The following ALMS1 variants were observed in gnomAD, a reference collection of about 807,000 sequenced individuals.
The protein encoded by ALMS1 is centrosome-associated protein ALMS1.
Under a neutral mutation model 352.2 loss-of-function variants are expected in ALMS1, and 271 were observed. The observed-to-expected ratio is 0.77, with a 90% CI of 0.70 to 0.85. ALMS1 has a LOEUF of 0.85. Among genes scored for constraint, ALMS1 ranks in the 40% least tolerant of loss-of-function variants. ALMS1 has a pLI of 0.00. For missense variants in ALMS1, 5,445 were observed against 4,870.7 expected (o/e 1.12, Z -3.51); for synonymous variants, 1,865 against 1,761.2 (o/e 1.06, Z -1.48).
intron 10 of ALMS1, among the ~76,000 whole-genome samples, chr2:73,508,264 G>A (rs1365700951): frequency 6.3e-5 from 9 of 142,070 alleles, no homozygotes; most frequent in Admixed American, 1.5e-4. Context: ...GTGCAGTGGC[G>A]CGATCTCGGC....
chr2:73,400,283 G>C (rs966489972), intron 1 of ALMS1, among the ~76,000 whole-genome samples: 2 of 152,150 alleles, frequency 1.3e-5, no homozygotes, highest in Non-Finnish European at 2.9e-5. Context: ...GTTTGCGTAC[G>C]TGGGATAAAC....
chr2:73,601,316 G>C lies in ALMS1; in HGVS notation c.11994G>C (p.Arg3998Ser), dbSNP rs28730862. 1.6e-4 allele frequency: 257 copies of C among 1,614,202 alleles called. No individual in the cohort carries two copies. Among genetic ancestry groups the C allele is most frequent in the Non-Finnish European group, 2.1e-4 (248 of 1,180,026 alleles). ...CAATAACCAAGACCAGACCCTGGAG[G>C]GAGCCACTGCGGGAGCAGAACTGTC... ...FEPITKTRPW[R>S]EPLREQNCQG... The change falls in exon 19 of 23, where the codon AGG (arginine) becomes AGC (serine). Residue 3998 changes from arginine (R) to serine (S), a missense_variant. Physicochemically the swap from Arg to Ser is moderately radical, Grantham distance 110 (BLOSUM62 -1). Coordinates refer to ENST00000613296, the MANE Select transcript of ALMS1 (RefSeq NM_001378454.1).
At chr2:73,546,878 C>A (rs548249347) in intron 12 of ALMS1, among the ~76,000 whole-genome samples, 1 of 152,236 alleles carries the variant, frequency 6.6e-6, no homozygotes, top group Non-Finnish European at 1.5e-5. Flanking sequence ...AGGCAACATC[C>A]CATTCTATAA....
In ALMS1 at chr2:73,489,724, A is replaced by G; in HGVS notation, c.7765A>G (p.Thr2589Ala). The G allele has an allele frequency of 6.2e-7, 1 of 1,613,922 alleles. No homozygotes were observed. Among genetic ancestry groups the G allele is most frequent in the East Asian group, 2.2e-5 (1 of 44,866 alleles). Reference sequence around the variant, plus strand: ...GAGCCATGAAAAGGGATGTTTCCGGACTCTAACTTCTGAACATCCACAACT... The same window carrying G: ...GAGCCATGAAAAGGGATGTTTCCGGGCTCTAACTTCTGAACATCCACAACT... ...IESHEKGCFR[T>A]LTSEHPQLDR... Residue 2589 changes from threonine to alanine, a missense_variant, in exon 10 of 23, where the codon ACT becomes GCT. Transcript: ENST00000613296.
At chr2:73,472,658 T>C (rs1475485612) in intron 9 of ALMS1, among the ~76,000 whole-genome samples, 1 of 152,056 alleles carries the variant, frequency 6.6e-6, no homozygotes, top group African/African-American at 2.4e-5. Context: ...CAGAACACTA[T>C]GGCACCTTAA....
chr2:73,514,345 G>A (rs1227008815), intron 10 of ALMS1, among the ~76,000 whole-genome samples: 1 of 151,384 alleles, frequency 6.6e-6, no homozygotes, highest in Non-Finnish European at 1.5e-5. Context: ...GGTTATTCTA[G>A]AGATTATAAT....
intron 16 of ALMS1, among the ~76,000 whole-genome samples, chr2:73,577,307 T>TCATTA (rs1439140823): frequency 1.3e-5 from 2 of 152,212 alleles, no homozygotes; most frequent in Non-Finnish European, 2.9e-5. Context: ...AAATTTTTTT[T>TCATTA]CATTACTGAT....
intron 15 of ALMS1, among the ~76,000 whole-genome samples, 163 bp downstream of exon 15, chr2:73,559,305 A>G (rs762021904): frequency 7.1e-6 from 1 of 140,240 alleles, no homozygotes; most frequent in Admixed American, 7.0e-5. Context: ...TGATGCTACT[A>G]TTAGGTTACT....
intron 9 of ALMS1, among the ~76,000 whole-genome samples, chr2:73,461,719 C>T (rs900488647): frequency 1.3e-4 from 20 of 152,106 alleles, no homozygotes; most frequent in Non-Finnish European, 2.5e-4. Context: ...AAAAATTAGA[C>T]GAATGGATAC....
At chr2:73,551,425 CTTTTTTTTT>C (rs372741747) in intron 13 of ALMS1, among the ~76,000 whole-genome samples, 18 of 73,700 alleles carry the variant, frequency 2.4e-4, no homozygotes, top group African/African-American at 8.2e-4. Flanking sequence ...GAGTTTCAAT[CTTTTTTTTT>C]TTTTTTTTTT....
chr2:73,596,479 T>C (rs927576520), intron 16 of ALMS1, among the ~76,000 whole-genome samples: 10 of 151,882 alleles, frequency 6.6e-5, no homozygotes, highest in African/African-American at 2.4e-4. Context: ...CTTTTTTTTT[T>C]TTTTTTTCTT....
rs1436885649 is a variant in ALMS1 at position 73,385,855 on chromosome 2, A to T, written c.-14A>T. The T allele has an allele frequency of 1.4e-6, 1 of 712,668 alleles. No homozygotes were observed. Among genetic ancestry groups the T allele is most frequent in the South Asian group, 1.5e-5 (1 of 66,712 alleles). The allele number at this position is 712,668 out of a possible 1,614,324, so 44.1% of individuals were successfully genotyped here. On this transcript the variant is annotated 5_prime_UTR_variant, in exon 1 of 23. Transcript: ENST00000613296. ...CTCCTCCTCCTCCTCTGCCGCCCAG[A>T]GCGAGACACCAACATGGAGCCCGAG...
chr2:73,454,760 C>T (rs115623351), intron 8 of ALMS1, among the ~76,000 whole-genome samples: 10 of 152,100 alleles, frequency 6.6e-5, no homozygotes, highest in Non-Finnish European at 1.3e-4. Flanking sequence ...TAACTTCCTA[C>T]GCTGTTCCCT....
chr2:73,469,483 A>T (rs549380017), intron 9 of ALMS1: 2 of 152,060 alleles, frequency 1.3e-5, no homozygotes, highest in East Asian at 3.9e-4. Context: ...AATATAATGT[A>T]TAACATATAA....
At chr2:73,526,621 T>A (rs11900923) in intron 11 of ALMS1, among the ~76,000 whole-genome samples, 2,473 of 152,302 alleles carry the variant, frequency 0.016, 67 homozygotes, top group African/African-American at 0.056. Flanking sequence ...TGAACTGATT[T>A]TTGTATGTTC....
intron 15 of ALMS1, among the ~76,000 whole-genome samples, chr2:73,565,099 A>G (rs1553417655): frequency 1.3e-5 from 2 of 152,226 alleles, no homozygotes; most frequent in Non-Finnish European, 2.9e-5. Context: ...TAAATTCCCT[A>G]AAATACCAAG....
intron 12 of ALMS1, among the ~76,000 whole-genome samples, chr2:73,546,807 C>T (rs1260033265): frequency 2.0e-5 from 3 of 152,102 alleles, no homozygotes; most frequent in Non-Finnish European, 4.4e-5. Flanking sequence ...AAGAAGGCAG[C>T]GTGGGTTGAA....
intron 10 of ALMS1, among the ~76,000 whole-genome samples, chr2:73,502,378 T>C (rs1035880388): frequency 6.6e-6 from 1 of 152,100 alleles, no homozygotes; most frequent in African/African-American, 2.4e-5. Flanking sequence ...TACTCCTTCC[T>C]TTGCAGTTCT....
At chr2:73,487,294 A>G (rs536052164) in intron 9 of ALMS1, among the ~76,000 whole-genome samples, 16 of 152,268 alleles carry the variant, frequency 1.1e-4, no homozygotes, top group African/African-American at 3.6e-4. Flanking sequence ...TGTGGGGTCT[A>G]GCCACTGTAC....
Sources: gnomAD v4.1 joint callset for allele counts (sites outside exome capture counted in the v4.1 genomes callset) on GRCh38, gnomAD v4.1.1 for gene constraint, MANE v1.5 for transcripts, NCBI Gene and HGNC (gene_info 2026-07-23, HGNC 2026-07-21) for gene names.